The following PCNX3 variants were observed in gnomAD, a reference collection of about 807,000 sequenced individuals.
PCNX3 encodes pecanex-like protein 3.
In PCNX3, 58 loss-of-function variants were observed where a neutral mutation model predicts 207.2. The observed-to-expected ratio is 0.28, with a 90% confidence interval of 0.23 to 0.35. The LOEUF is 0.35. Ranked by LOEUF, PCNX3 falls within the 10% of genes least tolerant of loss-of-function variation. The pLI, the probability that PCNX3 is intolerant of heterozygous loss-of-function variation, is 1.00. For missense variants in PCNX3, 2,410 were observed against 2,774.4 expected (o/e 0.87, Z 2.95); for synonymous variants, 1,337 against 1,183.5 (o/e 1.13, Z -2.66).
chr11:65,636,379 T>C lies in PCNX3; in HGVS notation c.5594-12T>C, dbSNP rs1427042827. The C allele has an allele frequency of 6.3e-7, 1 of 1,577,074 alleles. No homozygotes were observed. Among genetic ancestry groups the C allele is most frequent in the South Asian group, 1.2e-5 (1 of 85,880 alleles). ...CAGCTGAGGCCTCTGCTGTCTTATCTGTCTCCTACAGGCAATGGTGACCAA... is the reference window on the plus strand; with the variant it reads ...CAGCTGAGGCCTCTGCTGTCTTATCCGTCTCCTACAGGCAATGGTGACCAA... On this transcript the variant is annotated splice_polypyrimidine_tract_variant and intron_variant, in intron 33 of 34. Coordinates refer to ENST00000355703, the MANE Select transcript of PCNX3 (RefSeq NM_032223.4).
chr11:65,631,465 T>A (rs903194110), intron 27 of PCNX3, among the ~76,000 whole-genome samples: 3 of 152,178 alleles, frequency 2.0e-5, no homozygotes, highest in African/African-American at 7.2e-5. Flanking sequence ...GAGACTAGCC[T>A]GGCCAATGTG....
At position 65,617,629 on chromosome 11, in the gene PCNX3, G is replaced by A. The variant is rs1481572282; in HGVS notation, c.500G>A (p.Arg167Gln). 5.6e-6 allele frequency: 9 copies of A among 1,608,052 alleles called. No homozygotes were observed. The highest frequency in any genetic ancestry group is 2.7e-5 in the African/African-American group (2 of 74,880). ...GTTGCAGACATCAAGGAGCTGGTGC[G>A]GGAGCAGGGCAGCAACAATGTGATC... Reference protein sequence around the residue: ...GPLRDIKELVREQGSNNVIVT... With the variant: ...GPLRDIKELVQEQGSNNVIVT... The change falls in exon 5 of 35, where the codon CGG becomes CAG. Residue 167 changes from arginine to glutamine, a missense_variant. By Grantham distance (43) the Arg-to-Gln change is conservative. Coordinates refer to ENST00000355703, the MANE Select transcript of PCNX3 (RefSeq NM_032223.4).
At position 65,628,820 on chromosome 11, in the gene PCNX3, C is replaced by T. The variant is rs1382945095; in HGVS notation, c.3813C>T (p.His1271=). The part of the protein sequence containing the change: ...HAFAQPFAVP[H]SAMLFVQALL... Reference sequence around the variant, plus strand: ...GCCGCCTCCTTGACTGTGGCTCAGACTCGGCCATGCTGTTCGTCCAGGCCC... The same window carrying T: ...GCCGCCTCCTTGACTGTGGCTCAGATTCGGCCATGCTGTTCGTCCAGGCCC... The change falls in exon 24 of 35, where the codon CAC becomes CAT. Residue 1271 remains histidine (H), a splice_region_variant and synonymous_variant. Transcript: ENST00000355703. 53 of 1,611,404 alleles carry T rather than the reference C, an allele frequency of 3.3e-5. No individual in the cohort carries two copies. Among genetic ancestry groups the T allele is most frequent in the Non-Finnish European group, 4.3e-5 (51 of 1,179,782 alleles).
At position 65,630,449 on chromosome 11, in the gene PCNX3, C is replaced by T; in HGVS notation, c.4315C>T (p.Leu1439=). 6.2e-7 allele frequency: 1 copy of T among 1,613,672 alleles called. No individual in the cohort carries two copies. Among genetic ancestry groups the T allele is most frequent in the Non-Finnish European group, 8.5e-7 (1 of 1,179,900 alleles). The stretch of plus-strand genomic sequence containing the variant: ...TGAACCTGGCCACCTGCCACGGGTC[C>T]TGTCCTTCAATGCTGCCTTTGGGCA... The part of the protein sequence containing the change: ...CCEPGHLPRV[L]SFNAAFGQRW... Residue 1439 remains leucine, a synonymous_variant, in exon 27 of 35, where the codon CTG becomes TTG. Coordinates refer to ENST00000355703, the MANE Select transcript of PCNX3 (RefSeq NM_032223.4).
At chr11:65,619,457 C>T (rs938807671) in intron 6 of PCNX3, 80 bp from the exon 7 acceptor site, 21 of 1,550,306 alleles carry the variant, frequency 1.4e-5, no homozygotes, top group South Asian at 4.8e-5. Flanking sequence ...AGCTCCCTGG[C>T]GGAACACCGT....
chr11:65,623,432 C>T (rs1855215113), intron 11 of PCNX3, 59 bp from the exon 12 acceptor site: 2 of 1,515,800 alleles, frequency 1.3e-6, no homozygotes, highest in Non-Finnish European at 1.8e-6. Context: ...CCATCTTCCC[C>T]ACTGCCCCAC....
chr11:65,627,730 G>A (rs1855461375), intron 22 of PCNX3, 148 bp downstream of exon 22: 1 of 988,386 alleles, frequency 1.0e-6, no homozygotes, highest in Admixed American at 2.4e-5. Context: ...TCAAGGAAGG[G>A]GTTACTTCCA....
At chr11:65,631,515 C>T (rs534073463) in intron 27 of PCNX3, among the ~76,000 whole-genome samples, 48 of 152,186 alleles carry the variant, frequency 3.2e-4, no homozygotes, top group South Asian at 1.5e-3. Context: ...AATAATTAGC[C>T]GGGTGTGATG....
chr11:65,623,357 C>G, intron 11 of PCNX3, 134 bp from the exon 12 acceptor site: 1 of 1,194,436 alleles, frequency 8.4e-7, no homozygotes, highest in Non-Finnish European at 1.1e-6. Context: ...TATAGGTGTT[C>G]ACATCTTCAG....
chr11:65,627,733 T>C (rs1410895247), intron 22 of PCNX3, among the ~76,000 whole-genome samples, 151 bp downstream of exon 22: 2 of 151,978 alleles, frequency 1.3e-5, no homozygotes, highest in African/African-American at 2.4e-5. Context: ...AGGAAGGGGT[T>C]ACTTCCACCC....
At position 65,618,564 on chromosome 11, in the gene PCNX3, A is replaced by G; in HGVS notation, c.1202A>G (p.His401Arg). ...PSKRQPPLRR[H>R]SPPGRAPRRP... is the part of the protein sequence containing the mutation. ...AAACGGCAGCCACCCCTGCGAAGAC[A>G]CTCTCCACCTGGCCGTGCCCCTCGA... The change falls in exon 6 of 35, where the codon CAC becomes CGC. Residue 401 changes from histidine to arginine, a missense_variant. Transcript: ENST00000355703. 1.2e-6 allele frequency: 2 copies of G among 1,611,094 alleles called. No homozygotes were observed. Among genetic ancestry groups the G allele is most frequent in the Non-Finnish European group, 1.7e-6 (2 of 1,179,336 alleles).
chr11:65,634,938 C>T, intron 29 of PCNX3, 35 bp from the exon 30 acceptor site: 7 of 1,592,454 alleles, frequency 4.4e-6, no homozygotes, highest in Middle Eastern at 1.7e-4. Flanking sequence ...TCCTCGACAC[C>T]CCTCTCTCCC....
rs1208670638 is a variant in PCNX3, at chr11:65,636,754, C to T, written c.5893-12C>T. The T allele has an allele frequency of 5.8e-6, 9 of 1,545,620 alleles. No homozygotes were observed. The highest frequency in any genetic ancestry group is 1.2e-5 in the South Asian group (1 of 83,926). ...GGCCTGCTCACCCGCCAACCTCTCCCCCCTCCCCCAGGCGCCTCTAGACCT... is the reference window on the plus strand; with the variant it reads ...GGCCTGCTCACCCGCCAACCTCTCCTCCCTCCCCCAGGCGCCTCTAGACCT... On this transcript the variant is annotated splice_polypyrimidine_tract_variant and intron_variant, in intron 34 of 34. Coordinates refer to ENST00000355703, the MANE Select transcript of PCNX3 (RefSeq NM_032223.4).
Position 65,637,363 on chromosome 11 carries a change from CT to C in PCNX3, c.*393del, listed in dbSNP as rs1230822704. The C allele has an allele frequency of 3.0e-5, 6 of 198,382 alleles. No homozygotes were observed. Among genetic ancestry groups the C allele is most frequent in the Middle Eastern group, 1.9e-3 (1 of 528 alleles). 12.3% of individuals were successfully genotyped at this position (198,382 alleles called of 1,614,324 possible). A position where few individuals can be genotyped will look rare whatever the true frequency, so the allele number is the denominator to read the frequency against. On this transcript the variant is annotated 3_prime_UTR_variant, in exon 35 of 35. Transcript: ENST00000355703. The stretch of plus-strand genomic sequence containing the variant: ...GTGGGAAGGGTGGTTTCTTTCTTTC[CT>C]TTTTTTTCTTTTCTTTTTTTTTTTT...
chr11:65,636,491 T>C lies in PCNX3; in HGVS notation c.5694T>C (p.Pro1898=). Residue 1898 remains proline (P), a synonymous_variant, in exon 34 of 35, where the codon CCT becomes CCC. Transcript: ENST00000355703. ...DGRPPPLLQW[P]PPRLPGPPPA... is the part of the protein sequence containing the mutation. ...GGCCCCCACCTCTGCTGCAGTGGCC[T>C]CCCCCTCGGCTCCCTGGACCACCCC... is the stretch of plus-strand genomic sequence containing the variant. The C allele has an allele frequency of 3.2e-6, 5 of 1,573,162 alleles. No homozygotes were observed. The highest frequency in any genetic ancestry group is 3.9e-5 in the Admixed American group (2 of 51,404).
chr11:65,629,649 C>T lies in PCNX3; in HGVS notation c.4130C>T (p.Ala1377Val). The T allele has an allele frequency of 6.3e-7, 1 of 1,592,678 alleles. No homozygotes were observed. ...GGCCCTGGTGACTGCTTCGTCCTGG[C>T]CTCTGACTACCTCAACGCCCTGGTG... ...NYGPGDCFVL[A>V]SDYLNALVHL... Residue 1377 changes from alanine to valine, a missense_variant, in exon 26 of 35, where the codon GCC (alanine) becomes GTC (valine). Ala to Val is a moderately conservative substitution (Grantham distance 64). This residue lies in a region of PCNX3 where 420 missense variants were observed against 705.3 expected (regional missense o/e 0.60). Coordinates refer to ENST00000355703, the MANE Select transcript of PCNX3 (RefSeq NM_032223.4).
rs1256345827 is a variant in PCNX3, at chr11:65,618,443, TC to T, written c.1083del (p.Phe362LeufsTer69). ...GGTCCCCTCAGATGACACGCTGCGT[TC>T]CTTTGACACGGTCATTGGAGCAGGG... ...AGVPSDDTLR[S>X]FDTVIGAGTP... On this transcript the variant is annotated frameshift_variant, in exon 6 of 35. Coordinates refer to ENST00000355703, the MANE Select transcript of PCNX3 (RefSeq NM_032223.4). LOFTEE classifies it high-confidence loss of function. 1 of 1,611,320 alleles carries T rather than the reference TC, an allele frequency of 6.2e-7. No individual in the cohort carries two copies. The highest frequency in any genetic ancestry group is 8.5e-7 in the Non-Finnish European group (1 of 1,179,240).
At chr11:65,626,840 AG>A in intron 20 of PCNX3, 63 bp from the exon 21 acceptor site, 1 of 1,551,488 alleles carries the variant, frequency 6.4e-7, no homozygotes, top group Non-Finnish European at 8.7e-7. Context: ...CTCCTAGGGA[AG>A]GACTTCCTCA....
chr11:65,634,061 C>G, intron 27 of PCNX3, 65 bp from the exon 28 acceptor site: 1 of 1,429,382 alleles, frequency 7.0e-7, no homozygotes. Context: ...CTCTGAACCT[C>G]CATGCTTTCT....
Sources: allele counts gnomAD v4.1 joint callset (sites outside exome capture counted in the v4.1 genomes callset), GRCh38; gene constraint gnomAD v4.1.1; regional missense constraint gnomAD v4.1.1; transcripts MANE v1.5; gene names NCBI Gene and HGNC (gene_info 2026-07-23, HGNC 2026-07-21).